DMRT1: variants seen among roughly 807,000 people sequenced by gnomAD.
DMRT1 encodes the protein doublesex- and mab-3-related transcription factor 1.
Under a neutral mutation model 32.3 loss-of-function variants are expected in DMRT1, and 7 were observed. That is an observed-to-expected ratio of 0.22 (90% CI 0.12 to 0.41). The LOEUF is 0.41. DMRT1 is among the 10% of genes least tolerant of loss of function. The pLI, the probability that DMRT1 is intolerant of heterozygous loss-of-function variation, is 1.00. For missense variants in DMRT1, 625 were observed against 500.5 expected (o/e 1.25, Z -2.37); for synonymous variants, 278 against 206.1 (o/e 1.35, Z -2.99).
At chr9:919,953 C>G (rs1462125785) in intron 4 of DMRT1, among the ~76,000 whole-genome samples, 1 of 152,108 alleles carries the variant, frequency 6.6e-6, no homozygotes, top group East Asian at 1.9e-4. Context: ...TTTTGATTTT[C>G]TACGTATTTG....
Position 916,916 on chromosome 9 carries a change from C to G in DMRT1, c.967+9C>G, listed in dbSNP as rs1004273905. ...GGAAGCCAGGGCGAGCGGTAGGTGT[C>G]TGGTCACACAGACTGGATTTGGGGT... On this transcript the variant is annotated intron_variant, in intron 4 of 4. Transcript: ENST00000382276. 4 of 1,614,100 alleles carry G rather than the reference C, an allele frequency of 2.5e-6. No homozygotes were observed. Among genetic ancestry groups the G allele is most frequent in the East Asian group, 2.2e-5 (1 of 44,872 alleles).
At chr9:845,294 C>A (rs1023303345) in intron 1 of DMRT1, among the ~76,000 whole-genome samples, 1 of 152,094 alleles carries the variant, frequency 6.6e-6, no homozygotes. Context: ...ACTGCAACCT[C>A]CACCTCCTGG....
intron 4 of DMRT1, among the ~76,000 whole-genome samples, chr9:946,683 G>A (rs1034945273): frequency 2.0e-5 from 3 of 152,078 alleles, no homozygotes; most frequent in African/African-American, 7.2e-5. Flanking sequence ...ATTACTAGGC[G>A]ATCTCCCCAA....
intron 2 of DMRT1, among the ~76,000 whole-genome samples, chr9:862,170 T>C (rs1815737304): frequency 1.3e-5 from 2 of 150,388 alleles, no homozygotes; most frequent in South Asian, 4.3e-4. Flanking sequence ...GTGGAGGTTG[T>C]AGCGAGCCGA....
chr9:854,089 G>A (rs1201253004), intron 2 of DMRT1, among the ~76,000 whole-genome samples: 1 of 150,578 alleles, frequency 6.6e-6, no homozygotes, highest in African/African-American at 2.4e-5. Flanking sequence ...GGGATTACAG[G>A]TGTGAGCCTA....
At chr9:851,289 A>G (rs1839141393) in intron 2 of DMRT1, among the ~76,000 whole-genome samples, 1 of 151,932 alleles carries the variant, frequency 6.6e-6, no homozygotes, top group Admixed American at 6.6e-5. Flanking sequence ...CCCAGGCTGG[A>G]GTGCAGTGGT....
chr9:955,174 G>A (rs944385218), intron 4 of DMRT1, among the ~76,000 whole-genome samples: 1 of 152,164 alleles, frequency 6.6e-6, no homozygotes, highest in Non-Finnish European at 1.5e-5. Context: ...CTGGGGAGGA[G>A]GGAGAGGGTA....
rs545352100 is a variant in DMRT1, at chr9:862,174, G to C, written c.538+15031G>C. Among the ~76,000 whole-genome samples, 24 of 150,922 alleles carry C rather than the reference G, an allele frequency of 1.6e-4. 1 individual carries two copies. The East Asian group carries it at 4.6e-3, about 29-fold the overall frequency. ...GCGGCTGGGAGGTGGAGGTTGTAGC[G>C]AGCCGAGATCACGCCACTGCACTCC... On this transcript the variant is annotated intron_variant, in intron 2 of 4. Transcript: ENST00000382276.
intron 2 of DMRT1, among the ~76,000 whole-genome samples, chr9:863,319 T>TAA (rs34511298): frequency 8.9e-5 from 12 of 135,150 alleles, no homozygotes; most frequent in African/African-American, 2.5e-4. Flanking sequence ...CCACGTCTCT[T>TAA]AAAAAAAAAA....
At chr9:882,239 G>C (rs1816761044) in intron 2 of DMRT1, among the ~76,000 whole-genome samples, 1 of 152,132 alleles carries the variant, frequency 6.6e-6, no homozygotes, top group Non-Finnish European at 1.5e-5. Flanking sequence ...GCCCAATTAA[G>C]TTTCTCTGGG....
At position 842,265 on chromosome 9, in the gene DMRT1, C is replaced by A. The variant is rs558154854; in HGVS notation, c.354+73C>A. ...TTTTTTTTTTTTTTAGATGGAGTCTCGCTCGGTTGCCCAGGCTGCAGTGTA... is the reference window on the plus strand; with the variant it reads ...TTTTTTTTTTTTTTAGATGGAGTCTAGCTCGGTTGCCCAGGCTGCAGTGTA... On this transcript the variant is annotated intron_variant, in intron 1 of 4. Coordinates refer to ENST00000382276, the MANE Select transcript of DMRT1 (RefSeq NM_021951.3). 5.5e-6 allele frequency: 8 copies of A among 1,461,146 alleles called. No individual in the cohort carries two copies. In the South Asian group the frequency reaches 7.7e-5, roughly 14 times the overall value. 90.5% of individuals were successfully genotyped at this position (1,461,146 alleles called of 1,614,324 possible).
intron 4 of DMRT1, among the ~76,000 whole-genome samples, chr9:920,166 G>A (rs965280292): frequency 2.6e-5 from 4 of 152,130 alleles, no homozygotes; most frequent in African/African-American, 9.7e-5. Context: ...ATCTCTACTG[G>A]AGATGAAGAT....
chr9:867,256 G>C (rs756267620), intron 2 of DMRT1, among the ~76,000 whole-genome samples: 2 of 152,154 alleles, frequency 1.3e-5, no homozygotes. Context: ...ATTAGTTTGT[G>C]TTTCCAGGAT....
intron 2 of DMRT1, among the ~76,000 whole-genome samples, chr9:861,765 C>T (rs1268714287): frequency 4.1e-5 from 6 of 145,098 alleles, no homozygotes; most frequent in Non-Finnish European, 7.4e-5. Context: ...GGCTGCTGGG[C>T]GGAGATGCTC....
intron 4 of DMRT1, among the ~76,000 whole-genome samples, chr9:945,279 G>GA (rs1409258277): frequency 6.6e-6 from 1 of 152,026 alleles, no homozygotes; most frequent in Non-Finnish European, 1.5e-5. Flanking sequence ...TCAGCCTTTT[G>GA]AGTAGCTGGG....
chr9:857,239 G>T (rs1018645775), intron 2 of DMRT1, among the ~76,000 whole-genome samples: 4 of 152,252 alleles, frequency 2.6e-5, no homozygotes, highest in African/African-American at 9.6e-5. Context: ...CCCAGGACGT[G>T]GAGGTTGCAG....
chr9:857,792 A>G (rs1351473113), intron 2 of DMRT1, among the ~76,000 whole-genome samples: 1 of 104,000 alleles, frequency 9.6e-6, no homozygotes, highest in African/African-American at 3.8e-5. Context: ...CCACCCCACA[A>G]CAGGCCCTGG....
Position 958,659 on chromosome 9 carries a change from C to T in DMRT1, c.968-9326C>T, listed in dbSNP as rs372741752. Among the ~76,000 whole-genome samples the T allele has an allele frequency of 1.1e-4, 16 of 152,210 alleles. No individual in the cohort carries two copies. The East Asian group carries it at 1.9e-3, about 18-fold the overall frequency. On this transcript the variant is annotated intron_variant, in intron 4 of 4. Coordinates refer to ENST00000382276, the MANE Select transcript of DMRT1 (RefSeq NM_021951.3). Reference sequence around the variant, plus strand: ...CGGGGGTTACAGGCGTGAGCCACCACGCCTGGTCCAGAATATTTTTAAATG... The same window carrying T: ...CGGGGGTTACAGGCGTGAGCCACCATGCCTGGTCCAGAATATTTTTAAATG...
chr9:890,550 T>C (rs950330235), intron 2 of DMRT1, among the ~76,000 whole-genome samples: 1 of 149,314 alleles, frequency 6.7e-6, no homozygotes, highest in Admixed American at 6.6e-5. Flanking sequence ...CTTCCAGAGC[T>C]TGCACTTTAG....
Sources: gnomAD v4.1 joint callset for allele counts (sites outside exome capture counted in the v4.1 genomes callset) on GRCh38, gnomAD v4.1.1 for gene constraint, MANE v1.5 for transcripts, NCBI Gene and HGNC (gene_info 2026-07-23, HGNC 2026-07-21) for gene names.